The following ABI1 variants were observed in gnomAD, a reference collection of about 807,000 sequenced individuals.
The protein encoded by ABI1 is Abelson interactor 1.
Under a neutral mutation model 54.6 loss-of-function variants are expected in ABI1, and 14 were observed. The observed-to-expected ratio is 0.26, with a 90% CI of 0.17 to 0.40. The LOEUF (loss-of-function observed/expected upper bound fraction) is 0.40. Ranked by LOEUF, ABI1 falls within the 10% of genes least tolerant of loss-of-function variation. The pLI is 1.00. For synonymous variants in ABI1, 194 were observed against 209.3 expected (o/e 0.93, Z 0.63); for missense variants, 443 against 598.3 (o/e 0.74, Z 2.71).
chr10:26,847,070 C>T (rs1446202340), intron 1 of ABI1, among the ~76,000 whole-genome samples: 2 of 152,152 alleles, frequency 1.3e-5, no homozygotes, highest in Non-Finnish European at 2.9e-5. Context: ...ATTGACAAAA[C>T]AGTCTGACAC....
intron 1 of ABI1, among the ~76,000 whole-genome samples, chr10:26,840,630 A>G (rs997183814): frequency 6.6e-6 from 1 of 152,218 alleles, no homozygotes; most frequent in Non-Finnish European, 1.5e-5. Flanking sequence ...AAGAGTATAA[A>G]ACTTACAAAA....
chr10:26,753,340 G>C (rs1030564349), intron 9 of ABI1, among the ~76,000 whole-genome samples: 2 of 152,078 alleles, frequency 1.3e-5, no homozygotes, highest in Non-Finnish European at 2.9e-5. Flanking sequence ...AATGGGTACA[G>C]ACCCCTCCTG....
At chr10:26,799,594 C>G (rs1264032385) in intron 2 of ABI1, among the ~76,000 whole-genome samples, 1 of 152,134 alleles carries the variant, frequency 6.6e-6, no homozygotes, top group African/African-American at 2.4e-5. Context: ...TGACTGCCTT[C>G]GTTTGGATTT....
At chr10:26,859,177 T>A (rs2051095687) in intron 1 of ABI1, among the ~76,000 whole-genome samples, 1 of 151,980 alleles carries the variant, frequency 6.6e-6, no homozygotes. Context: ...TTGCACAAAG[T>A]GATACAGTAG....
At chr10:26,772,345 T>C (rs1044135956) in intron 3 of ABI1, among the ~76,000 whole-genome samples, 1 of 152,140 alleles carries the variant, frequency 6.6e-6, no homozygotes, top group African/African-American at 2.4e-5. Context: ...TATACTTACA[T>C]AGCAATGTAT....
At chr10:26,794,398 G>A (rs1373177189) in intron 2 of ABI1, among the ~76,000 whole-genome samples, 4 of 151,786 alleles carry the variant, frequency 2.6e-5, no homozygotes, top group African/African-American at 7.3e-5. Context: ...GACAAAACAA[G>A]ACCATGTCTC....
Position 26,777,200 on chromosome 10 carries a change from A to G in ABI1, c.327T>C (p.Ile109=). Residue 109 remains isoleucine, a synonymous_variant, in exon 3 of 11, where the codon ATT becomes ATC. Coordinates refer to ENST00000376140, the MANE Select transcript of ABI1 (RefSeq NM_001012750.3). The part of the protein sequence containing the change: ...IHKEKVARRE[I]GILTTNKNTS... Reference sequence around the variant, plus strand: ...TATTCTTATTTGTTGTCAAAATACCAATCTCTCTTCGTGCCACTTTCTCCT... The same window carrying G: ...TATTCTTATTTGTTGTCAAAATACCGATCTCTCTTCGTGCCACTTTCTCCT... The G allele has an allele frequency of 6.2e-7, 1 of 1,612,264 alleles. No individual in the cohort carries two copies. Among genetic ancestry groups the G allele is most frequent in the Non-Finnish European group, 8.5e-7 (1 of 1,179,452 alleles).
At chr10:26,839,411 G>T (rs1338039523) in intron 1 of ABI1, among the ~76,000 whole-genome samples, 1 of 152,066 alleles carries the variant, frequency 6.6e-6, no homozygotes, top group Non-Finnish European at 1.5e-5. Flanking sequence ...TGGGAGGACT[G>T]CTTGAGCCCA....
intron 2 of ABI1, among the ~76,000 whole-genome samples, chr10:26,784,565 G>GA: frequency 6.6e-6 from 1 of 151,598 alleles, no homozygotes; most frequent in Non-Finnish European, 1.5e-5. Context: ...GGAATGGGGG[G>GA]AGCGGGGAGA....
intron 1 of ABI1, among the ~76,000 whole-genome samples, chr10:26,827,485 T>A (rs1351051780): frequency 1.3e-5 from 2 of 151,574 alleles, no homozygotes; most frequent in African/African-American, 4.9e-5. Context: ...CCTCCCAAAA[T>A]GCAGGGGAAT....
At chr10:26,775,051 C>G (rs769721898) in intron 3 of ABI1, among the ~76,000 whole-genome samples, 7 of 152,054 alleles carry the variant, frequency 4.6e-5, no homozygotes, top group Non-Finnish European at 7.4e-5. Context: ...TCTCACTATC[C>G]TCAAAACACT....
intron 10 of ABI1, among the ~76,000 whole-genome samples, chr10:26,749,900 C>T (rs1357553217): frequency 2.0e-5 from 3 of 152,176 alleles, no homozygotes; most frequent in African/African-American, 4.8e-5. Flanking sequence ...AAAATATTTA[C>T]TATCTGGCTT....
chr10:26,762,920 C>A (rs759725353), intron 7 of ABI1, among the ~76,000 whole-genome samples: 5 of 152,156 alleles, frequency 3.3e-5, no homozygotes, highest in African/African-American at 4.8e-5. Context: ...TTAATAAACT[C>A]CCACCAGCAA....
chr10:26,748,957 C>G (rs368838171), intron 10 of ABI1, among the ~76,000 whole-genome samples: 1 of 152,196 alleles, frequency 6.6e-6, no homozygotes. Flanking sequence ...TCTGATTAGA[C>G]TGAATACATC....
At chr10:26,780,394 A>AT (rs1387621242) in intron 2 of ABI1, among the ~76,000 whole-genome samples, 10 of 152,130 alleles carry the variant, frequency 6.6e-5, no homozygotes, top group Admixed American at 1.3e-4. Flanking sequence ...TGCCAGGCTA[A>AT]TTTTTTAAAT....
At chr10:26,764,898 G>A (rs1446362091) in intron 7 of ABI1, among the ~76,000 whole-genome samples, 1 of 152,112 alleles carries the variant, frequency 6.6e-6, no homozygotes, top group East Asian at 1.9e-4. Flanking sequence ...ATGCATTTTG[G>A]TATCCGCAGG....
At chr10:26,772,560 T>C (rs894423480) in intron 3 of ABI1, among the ~76,000 whole-genome samples, 1 of 152,184 alleles carries the variant, frequency 6.6e-6, no homozygotes, top group Non-Finnish European at 1.5e-5. Flanking sequence ...AACTCTGTGC[T>C]ACTATGCAAT....
Position 26,748,690 on chromosome 10 carries a change from C to T in ABI1, c.1326G>A (p.Glu442=). Residue 442 remains glutamate (E), a synonymous_variant, in exon 11 of 11, where the codon GAG becomes GAA. Coordinates refer to ENST00000376140, the MANE Select transcript of ABI1 (RefSeq NM_001012750.3). Reference sequence around the variant, plus strand: ...TCTTTATAACATAAATGATTGCACCCTCCATAAATGACAGCTCATCATCCT... The same window carrying T: ...TCTTTATAACATAAATGATTGCACCTTCCATAAATGACAGCTCATCATCCT... The part of the protein sequence containing the change: ...KDKDDELSFM[E]GAIIYVIKKN... The T allele has an allele frequency of 6.2e-7, 1 of 1,613,330 alleles. No individual in the cohort carries two copies. Among genetic ancestry groups the T allele is most frequent in the Non-Finnish European group, 8.5e-7 (1 of 1,179,628 alleles).
Position 26,747,083 on chromosome 10 carries a change from G to A in ABI1, c.*1487C>T. 4.4e-6 allele frequency: 1 copy of A among 227,662 alleles called. No individual in the cohort carries two copies. Among genetic ancestry groups the A allele is most frequent in the Non-Finnish European group, 8.7e-6 (1 of 114,512 alleles). 14.1% of individuals were successfully genotyped at this position (227,662 alleles called of 1,614,324 possible). A position where few individuals can be genotyped will look rare whatever the true frequency, so the allele number is the denominator to read the frequency against. On this transcript the variant is annotated 3_prime_UTR_variant, in exon 11 of 11. Transcript: ENST00000376140. ...ATGAAATAGTCACATTGATTTGGTA[G>A]CAATAATGGTCTTTAATTTTCAGAA...
Sources: gnomAD v4.1 joint callset for allele counts (sites outside exome capture counted in the v4.1 genomes callset) on GRCh38, gnomAD v4.1.1 for gene constraint, MANE v1.5 for transcripts, NCBI Gene and HGNC (gene_info 2026-07-23, HGNC 2026-07-21) for gene names.